Variants in KCNH8 observed in about 807,000 individuals in gnomAD.
KCNH8 encodes voltage-gated delayed rectifier potassium channel KCNH8.
In KCNH8, 70 loss-of-function variants were observed where a neutral mutation model predicts 103.6. The observed-to-expected ratio is 0.68, with a 90% CI of 0.56 to 0.82. KCNH8 has a LOEUF of 0.82. Ranked by LOEUF, KCNH8 falls within the 40% of genes least tolerant of loss-of-function variation. The pLI is 0.00. For missense variants in KCNH8, 1,217 were observed against 1,329.9 expected, an observed-to-expected ratio of 0.92 and a Z score of 1.32; for synonymous variants, 498 against 489.4, an observed-to-expected ratio of 1.02 and a Z score of -0.23.
rs183180000 is a variant in KCNH8 at position 19,166,467 on chromosome 3, G to C, written c.76+17672G>C. On this transcript the variant is annotated intron_variant, in intron 1 of 15. Coordinates refer to ENST00000328405, the MANE Select transcript of KCNH8 (RefSeq NM_144633.3). ...AGAATATAAGCTAAAAAGGATGGCAGTCAACTCAATCCTGTTGATCAGTGT... is the reference window on the plus strand; with the variant it reads ...AGAATATAAGCTAAAAAGGATGGCACTCAACTCAATCCTGTTGATCAGTGT... Among the ~76,000 whole-genome samples, 255 of 152,328 alleles carry C rather than the reference G, an allele frequency of 1.7e-3. 1 individual carries two copies. Among genetic ancestry groups the C allele is most frequent in the Non-Finnish European group, 3.1e-3 (209 of 68,040 alleles).
At chr3:19,375,800 C>T (rs2066186280) in intron 5 of KCNH8, among the ~76,000 whole-genome samples, 1 of 152,018 alleles carries the variant, frequency 6.6e-6, no homozygotes, top group South Asian at 2.1e-4. Flanking sequence ...GATGTCCTTT[C>T]TGTTTGTTAG....
intron 7 of KCNH8, among the ~76,000 whole-genome samples, chr3:19,424,874 G>A (rs1399381037): frequency 1.3e-5 from 2 of 152,094 alleles, no homozygotes; most frequent in African/African-American, 4.8e-5. Context: ...AATTTTAAAT[G>A]TGCATTAATT....
chr3:19,407,678 A>G (rs905495249), intron 7 of KCNH8, among the ~76,000 whole-genome samples: 2 of 152,092 alleles, frequency 1.3e-5, no homozygotes, highest in Non-Finnish European at 2.9e-5. Flanking sequence ...GTCCAGGCAG[A>G]TCCTGAGGCA....
chr3:19,352,383 C>T (rs2065815612), intron 5 of KCNH8, among the ~76,000 whole-genome samples: 1 of 152,142 alleles, frequency 6.6e-6, no homozygotes, highest in Admixed American at 6.6e-5. Flanking sequence ...CCAAGCGGAC[C>T]TAATAGACAT....
intron 5 of KCNH8, among the ~76,000 whole-genome samples, chr3:19,355,723 G>T (rs1441302291): frequency 6.6e-6 from 1 of 152,022 alleles, no homozygotes; most frequent in African/African-American, 2.4e-5. Context: ...TCACACACCA[G>T]GGCCTGTCGT....
chr3:19,395,304 G>A lies in KCNH8; in HGVS notation c.1170G>A (p.Trp390Ter), dbSNP rs1415010885. 1 of 1,609,196 alleles carries A rather than the reference G, an allele frequency of 6.2e-7. No homozygotes were observed. Among genetic ancestry groups the A allele is most frequent in the Admixed American group, 1.7e-5 (1 of 59,506 alleles). The change falls in exon 7 of 16, where the codon TGG (tryptophan) becomes TGA (stop). Residue 390 changes from tryptophan (W) to a stop codon, truncating the protein, a stop_gained. Transcript: ENST00000328405. LOFTEE classifies it high-confidence loss of function. ...GGGAAGACAACAGCCTTCTGAAGTG[G>A]GAAGTTGGTAAGGGCTTACATTTGT... ...MEREDNSLLK[W>*]EVGWLHELGK...
intron 8 of KCNH8, 47 bp downstream of exon 8, chr3:19,438,408 C>G: frequency 7.0e-7 from 1 of 1,436,230 alleles, no homozygotes; most frequent in Non-Finnish European, 9.7e-7. Flanking sequence ...CTATGCCTAC[C>G]TAACTGTCAC....
At chr3:19,514,033 C>T (rs1004984452) in intron 13 of KCNH8, among the ~76,000 whole-genome samples, 1 of 151,300 alleles carries the variant, frequency 6.6e-6, no homozygotes, top group Non-Finnish European at 1.5e-5. Context: ...ATGTATTTTG[C>T]GAGATAATTT....
rs1165590931 is a variant in KCNH8 at position 19,499,514 on chromosome 3, G to A, written c.2041-10849G>A. Among the ~76,000 whole-genome samples, 3 of 152,124 alleles carry A rather than the reference G, an allele frequency of 2.0e-5. No individual in the cohort carries two copies. In the East Asian group the frequency reaches 5.8e-4, roughly 29 times the overall value. On this transcript the variant is annotated intron_variant, in intron 11 of 15. Coordinates refer to ENST00000328405, the MANE Select transcript of KCNH8 (RefSeq NM_144633.3). ...CAGATTCACCAAAGTTGAAATGAAG[G>A]AAAAAATGTTAAGGGCAGCCAGACA...
intron 1 of KCNH8, among the ~76,000 whole-genome samples, chr3:19,193,757 G>A (rs940528285): frequency 2.6e-5 from 4 of 151,700 alleles, no homozygotes; most frequent in Admixed American, 2.0e-4. Flanking sequence ...ACTCCTCAAA[G>A]CAAGCATTGT....
At chr3:19,242,583 G>A (rs2064156169) in intron 1 of KCNH8, among the ~76,000 whole-genome samples, 1 of 152,106 alleles carries the variant, frequency 6.6e-6, no homozygotes, top group Non-Finnish European at 1.5e-5. Context: ...CTAAACCATA[G>A]AAATCAATTA....
chr3:19,326,125 G>A (rs1223502134), intron 3 of KCNH8, among the ~76,000 whole-genome samples: 1 of 151,904 alleles, frequency 6.6e-6, no homozygotes, highest in Non-Finnish European at 1.5e-5. Flanking sequence ...ATAAGTGGGA[G>A]CTAAATGATG....
intron 2 of KCNH8, among the ~76,000 whole-genome samples, chr3:19,264,512 G>A (rs1338028991): frequency 6.6e-6 from 1 of 152,078 alleles, no homozygotes; most frequent in African/African-American, 2.4e-5. Context: ...ACGCTCTGCA[G>A]CCAGAATGAT....
At chr3:19,226,013 A>G (rs1261541349) in intron 1 of KCNH8, among the ~76,000 whole-genome samples, 2 of 152,250 alleles carry the variant, frequency 1.3e-5, no homozygotes, top group East Asian at 3.8e-4. Context: ...AACTGAAAAT[A>G]TGTATTTTGA....
intron 3 of KCNH8, among the ~76,000 whole-genome samples, chr3:19,313,984 ACT>A (rs2065240379): frequency 6.6e-6 from 1 of 151,894 alleles, no homozygotes; most frequent in Non-Finnish European, 1.5e-5. Context: ...AAATATTTGA[ACT>A]TCGAATGTAC....
chr3:19,244,383 G>T (rs2064178419), intron 1 of KCNH8, among the ~76,000 whole-genome samples: 1 of 152,164 alleles, frequency 6.6e-6, no homozygotes, highest in Admixed American at 6.5e-5. Flanking sequence ...TTGCTATTGT[G>T]CATAGCACTG....
chr3:19,289,920 A>C lies in KCNH8; in HGVS notation c.442+8591A>C, dbSNP rs1027381164. On this transcript the variant is annotated intron_variant, in intron 3 of 15. Transcript: ENST00000328405. ...ATTTGTTTGTATCCTCTTTTATTTCATTGAGCAGTGGTTTGTAGTTCTCCT... is the reference window on the plus strand; with the variant it reads ...ATTTGTTTGTATCCTCTTTTATTTCCTTGAGCAGTGGTTTGTAGTTCTCCT... 5.1e-4 allele frequency among the ~76,000 whole-genome samples: 78 copies of C among 151,972 alleles called. 1 individual carries two copies. In the South Asian group the frequency reaches 0.011, roughly 21 times the overall value.
At chr3:19,154,187 G>A (rs2063158330) in intron 1 of KCNH8, among the ~76,000 whole-genome samples, 1 of 152,130 alleles carries the variant, frequency 6.6e-6, no homozygotes, top group Non-Finnish European at 1.5e-5. Context: ...ATAACTTTGG[G>A]TGGGAATGAT....
chr3:19,464,109 C>A (rs1322768447), intron 11 of KCNH8, among the ~76,000 whole-genome samples: 1 of 151,986 alleles, frequency 6.6e-6, no homozygotes, highest in African/African-American at 2.4e-5. Flanking sequence ...AGAAGAAGAA[C>A]AAAATTTGAG....
Sources: allele counts gnomAD v4.1 joint callset (sites outside exome capture counted in the v4.1 genomes callset), GRCh38; gene constraint gnomAD v4.1.1; transcripts MANE v1.5; gene names NCBI Gene and HGNC (gene_info 2026-07-23, HGNC 2026-07-21).